EIF2S2: variants seen among roughly 807,000 people sequenced by gnomAD.
The protein encoded by EIF2S2 is eukaryotic translation initiation factor 2 subunit 2.
In EIF2S2, 4 loss-of-function variants were observed where a neutral mutation model predicts 44.0. The observed-to-expected ratio is 0.09, with a 90% CI of 0.04 to 0.21. The LOEUF is 0.21. Among genes scored for constraint, EIF2S2 ranks in the 10% least tolerant of loss-of-function variants. The probability of loss-of-function intolerance (pLI) is 1.00; values close to 1 mark genes in which losing one functional copy is unlikely to be tolerated. For synonymous variants in EIF2S2, 108 were observed against 128.3 expected, an observed-to-expected ratio of 0.84 and a Z score of 1.07; for missense variants, 154 against 392.0, an observed-to-expected ratio of 0.39 and a Z score of 5.13.
chr20:34,106,282 C>T (rs1357094178), intron 1 of EIF2S2, among the ~76,000 whole-genome samples: 1 of 152,056 alleles, frequency 6.6e-6, no homozygotes, highest in African/African-American at 2.4e-5. Flanking sequence ...ACTTGAGAGA[C>T]TTTTGACCTG....
At chr20:34,105,104 G>A (rs1469424365) in intron 2 of EIF2S2, among the ~76,000 whole-genome samples, 1 of 152,182 alleles carries the variant, frequency 6.6e-6, no homozygotes, top group African/African-American at 2.4e-5. Context: ...TAAAAAGTCA[G>A]AGAAGAGACC....
chr20:34,104,261 C>T (rs1255245633), intron 2 of EIF2S2, among the ~76,000 whole-genome samples: 1 of 152,160 alleles, frequency 6.6e-6, no homozygotes, highest in Non-Finnish European at 1.5e-5. Context: ...GTTCCTACTG[C>T]AATATACGTG....
At chr20:34,105,223 G>A (rs2034335146) in intron 2 of EIF2S2, 145 bp downstream of exon 2, 2 of 709,816 alleles carry the variant, frequency 2.8e-6, no homozygotes, top group Admixed American at 2.7e-5. Flanking sequence ...ATCTAAAAAG[G>A]TCCACTGCAT....
rs1485065353 is a variant in EIF2S2 at position 34,098,536 on chromosome 20, T to A, written c.395A>T (p.Lys132Met). The A allele has an allele frequency of 6.2e-7, 1 of 1,613,954 alleles. No homozygotes were observed. The highest frequency in any genetic ancestry group is 1.1e-5 in the South Asian group (1 of 91,084). Reference sequence around the variant, plus strand: ...TAGTATTTCATCCTCATCTGGGAACTTAACATTCTTCTTTTTCTTCTTTTT... The same window carrying A: ...TAGTATTTCATCCTCATCTGGGAACATAACATTCTTCTTTTTCTTCTTTTT... ...GNKKKKKKNVKFPDEDEILEK... is the reference protein window; with the variant it reads ...GNKKKKKKNVMFPDEDEILEK... The change falls in exon 4 of 9, where the codon AAG becomes ATG. Residue 132 changes from lysine (K) to methionine (M), a missense_variant. By Grantham distance (95) the Lys-to-Met change is moderately conservative (BLOSUM62 -1). Transcript: ENST00000374980.
At chr20:34,103,636 G>A (rs2034317797) in intron 2 of EIF2S2, 71 bp from the exon 3 acceptor site, 14 of 1,414,626 alleles carry the variant, frequency 9.9e-6, no homozygotes, top group Non-Finnish European at 1.3e-5. Flanking sequence ...CACAAACATA[G>A]TTCAGCAATT....
intron 7 of EIF2S2, 35 bp downstream of exon 7, chr20:34,093,640 A>T (rs1374754506): frequency 3.2e-6 from 5 of 1,544,834 alleles, no homozygotes; most frequent in Non-Finnish European, 4.4e-6. Flanking sequence ...TGAAATGTCC[A>T]GCAGTACTGT....
intron 6 of EIF2S2, 35 bp from the exon 7 acceptor site, chr20:34,093,766 C>T (rs374508737): frequency 1.9e-6 from 3 of 1,546,970 alleles, no homozygotes; most frequent in African/African-American, 2.7e-5. Flanking sequence ...AACCTTATCT[C>T]TCATGGAAAT....
At chr20:34,111,417 C>T (rs976267943) in intron 1 of EIF2S2, among the ~76,000 whole-genome samples, 4 of 152,190 alleles carry the variant, frequency 2.6e-5, no homozygotes, top group African/African-American at 9.7e-5. Context: ...GATCCAAGTA[C>T]CACGGTAAAA....
Position 34,105,501 on chromosome 20 carries a change from C to G in EIF2S2, c.60G>C (p.Lys20Asn). 6.2e-7 allele frequency: 1 copy of G among 1,610,356 alleles called. No homozygotes were observed. The highest frequency in any genetic ancestry group is 1.1e-5 in the South Asian group (1 of 90,244). Residue 20 changes from lysine to asparagine, a missense_variant, in exon 2 of 9, where the codon AAG becomes AAC. This residue lies in a region of EIF2S2 where 134 missense variants were observed against 225.0 expected (regional missense o/e 0.60). Transcript: ENST00000374980. ...PTMSKKKKKK[K>N]KPFMLDEEGD... The stretch of plus-strand genomic sequence containing the variant: ...CTTCCTCATCTAACATAAAAGGCTT[C>G]TTCTTCTTCTTTTTCTTCTTGCTCA...
intron 7 of EIF2S2, among the ~76,000 whole-genome samples, chr20:34,093,256 TG>T (rs1358797668): frequency 6.6e-6 from 1 of 152,236 alleles, no homozygotes; most frequent in African/African-American, 2.4e-5. Context: ...TCACAGATCC[TG>T]GTTTCAATGG....
Position 34,096,648 on chromosome 20 carries a change from C to T in EIF2S2, c.683+9G>A, listed in dbSNP as rs373000929. 4.7e-4 allele frequency: 742 copies of T among 1,588,138 alleles called. No homozygotes were observed. Among genetic ancestry groups the T allele is most frequent in the Non-Finnish European group, 6.0e-4 (706 of 1,171,416 alleles). ...ATTTGGGATGAAGGTACTCCATTAA[C>T]CAACTTACAGTTTACAGATATCTGT... On this transcript the variant is annotated intron_variant, in intron 6 of 8. Coordinates refer to ENST00000374980, the MANE Select transcript of EIF2S2 (RefSeq NM_003908.5).
intron 5 of EIF2S2, among the ~76,000 whole-genome samples, chr20:34,097,025 T>C (rs1165315322): frequency 6.6e-6 from 1 of 152,238 alleles, no homozygotes; most frequent in Non-Finnish European, 1.5e-5. Context: ...GTGAAATGAA[T>C]GAACAACCAC....
intron 1 of EIF2S2, 105 bp from the exon 2 acceptor site, chr20:34,105,650 G>GCCTTT: frequency 9.0e-7 from 1 of 1,112,912 alleles, no homozygotes; most frequent in Non-Finnish European, 1.2e-6. Context: ...AAAAGAGTAT[G>GCCTTT]TGATACATTA....
intron 6 of EIF2S2, among the ~76,000 whole-genome samples, chr20:34,094,783 T>TC (rs2034208486): frequency 6.6e-6 from 1 of 152,206 alleles, no homozygotes; most frequent in Non-Finnish European, 1.5e-5. Context: ...TATTTTCATT[T>TC]CATTTTTTAA....
At chr20:34,112,025 T>C in intron 1 of EIF2S2, 71 bp downstream of exon 1, 1 of 1,332,700 alleles carries the variant, frequency 7.5e-7, no homozygotes, top group Non-Finnish European at 9.8e-7. Flanking sequence ...CGCAGGCCCG[T>C]TCTCCCACAC....
At chr20:34,103,745 C>T (rs370645212) in intron 2 of EIF2S2, among the ~76,000 whole-genome samples, 180 bp from the exon 3 acceptor site, 121 of 150,662 alleles carry the variant, frequency 8.0e-4, no homozygotes, top group African/African-American at 2.5e-3. Context: ...CTTGCTCTGT[C>T]GCCAAGGCTG....
Position 34,088,397 on chromosome 20 carries a change from TGGG to T in EIF2S2, c.*1330_*1332del, listed in dbSNP as rs147078575. 7 of 151,080 alleles carry T rather than the reference TGGG, an allele frequency of 4.6e-5. No individual in the cohort carries two copies. Among genetic ancestry groups the T allele is most frequent in the African/African-American group, 7.3e-5 (3 of 40,944 alleles). The allele number at this position is 151,080 out of a possible 1,614,324, so 9.4% of individuals were successfully genotyped here. The stretch of plus-strand genomic sequence containing the variant: ...GGGTGTAGATACAAAAAAAGGAAAA[TGGG>T]GGCATAAACAGCAGTTGGGTTCATC... On this transcript the variant is annotated 3_prime_UTR_variant, in exon 9 of 9. Transcript: ENST00000374980.
At chr20:34,107,409 CTG>C (rs2034361825) in intron 1 of EIF2S2, among the ~76,000 whole-genome samples, 1 of 152,132 alleles carries the variant, frequency 6.6e-6, no homozygotes, top group Admixed American at 6.5e-5. Flanking sequence ...TGGCTTGTAC[CTG>C]TGTTATTCCA....
chr20:34,103,429 C>A, intron 3 of EIF2S2, 33 bp downstream of exon 3: 1 of 1,517,268 alleles, frequency 6.6e-7, no homozygotes, highest in South Asian at 1.2e-5. Context: ...TGCAAGAGGT[C>A]AAATTTTACC....
Sources: allele counts gnomAD v4.1 joint callset (sites outside exome capture counted in the v4.1 genomes callset), GRCh38; gene constraint gnomAD v4.1.1; regional missense constraint gnomAD v4.1.1; transcripts MANE v1.5; gene names NCBI Gene and HGNC (gene_info 2026-07-23, HGNC 2026-07-21).